Variants in SP100 observed in about 807,000 individuals in gnomAD.
SP100 encodes the protein SP100 nuclear body protein.
In SP100, 84 loss-of-function variants were observed where a neutral mutation model predicts 130.0. That is an observed-to-expected ratio of 0.65 (90% CI 0.54 to 0.77). SP100 has a LOEUF of 0.77. Ranked by LOEUF, SP100 falls within the 30% of genes least tolerant of loss-of-function variation. The probability of loss-of-function intolerance (pLI) is 0.00; values close to 1 mark genes in which losing one functional copy is unlikely to be tolerated. For synonymous variants in SP100, 331 were observed against 351.7 expected (o/e 0.94, Z 0.66); for missense variants, 978 against 1,052.2 (o/e 0.93, Z 0.97).
At chr2:230,425,167 A>T (rs947160749) in intron 2 of SP100, among the ~76,000 whole-genome samples, 1 of 152,192 alleles carries the variant, frequency 6.6e-6, no homozygotes, top group Non-Finnish European at 1.5e-5. Context: ...AATATTTAAG[A>T]TCTACTCTCT....
chr2:230,461,101 A>G (rs2064590860), intron 8 of SP100, among the ~76,000 whole-genome samples, 161 bp from the exon 9 acceptor site: 1 of 152,176 alleles, frequency 6.6e-6, no homozygotes. Context: ...CAGAGCCAAG[A>G]GAGGCACAAA....
chr2:230,514,914 C>A, intron 24 of SP100: 1 of 1,000,886 alleles, frequency 1.0e-6, no homozygotes, highest in Non-Finnish European at 1.4e-6. Flanking sequence ...GGTCAAAAAA[C>A]CTACAAGAGA....
chr2:230,505,775 T>C (rs1690041844), intron 21 of SP100, among the ~76,000 whole-genome samples: 1 of 152,178 alleles, frequency 6.6e-6, no homozygotes, highest in Admixed American at 6.5e-5. Flanking sequence ...ACTTTTAATA[T>C]AAAATAGCCA....
chr2:230,541,832 A>G, intron 27 of SP100, 60 bp from the exon 28 acceptor site: 2 of 1,560,058 alleles, frequency 1.3e-6, no homozygotes, highest in African/African-American at 1.4e-5. Context: ...CCTTTATTCC[A>G]TAATAGTGGG....
chr2:230,441,124 A>G (rs2063451657), intron 2 of SP100, among the ~76,000 whole-genome samples: 1 of 152,294 alleles, frequency 6.6e-6, no homozygotes, highest in Non-Finnish European at 1.5e-5. Context: ...CTACCCATCA[A>G]TAAGTAAAAT....
At chr2:230,473,162 G>T in intron 15 of SP100, 162 bp from the exon 16 acceptor site, 1 of 526,420 alleles carries the variant, frequency 1.9e-6, no homozygotes, top group Non-Finnish European at 3.4e-6. Flanking sequence ...ATGAACAGAA[G>T]GGAAAAATAC....
At position 230,417,653 on chromosome 2, in the gene SP100, A is replaced by G; in HGVS notation, c.95A>G (p.His32Arg). Residue 32 changes from histidine (H) to arginine (R), a missense_variant, in exon 2 of 29, where the codon CAC (histidine) becomes CGC (arginine). Transcript: ENST00000340126. ...ATGAACCATCTTCCTGCACACAGCC[A>G]CGATTTGCAAAGGTGATGAATGAAG... ...NEMNHLPAHS[H>R]DLQRMFTEDQ... is the part of the protein sequence containing the mutation. 6.2e-7 allele frequency: 1 copy of G among 1,612,766 alleles called. No homozygotes were observed. The highest frequency in any genetic ancestry group is 8.5e-7 in the Non-Finnish European group (1 of 1,179,616).
chr2:230,491,662 C>T (rs939703450), intron 17 of SP100, among the ~76,000 whole-genome samples: 4 of 152,190 alleles, frequency 2.6e-5, no homozygotes, highest in African/African-American at 9.7e-5. Flanking sequence ...CTTGTGAGAA[C>T]TGACTATCAT....
chr2:230,431,397 C>T (rs1055946419), intron 2 of SP100, among the ~76,000 whole-genome samples: 1 of 152,186 alleles, frequency 6.6e-6, no homozygotes, highest in South Asian at 2.1e-4. Context: ...GCTGTGCCAG[C>T]CTGGGGTAGG....
At chr2:230,505,714 T>C (rs1480601717) in intron 21 of SP100, among the ~76,000 whole-genome samples, 1 of 152,258 alleles carries the variant, frequency 6.6e-6, no homozygotes, top group Non-Finnish European at 1.5e-5. Flanking sequence ...CCCATGACTA[T>C]GTTGCATAAG....
chr2:230,511,039 C>A, intron 23 of SP100, 86 bp from the exon 24 acceptor site: 2 of 912,296 alleles, frequency 2.2e-6, no homozygotes, highest in East Asian at 2.4e-5. Context: ...GCATGAATCC[C>A]TTAAAAATAA....
chr2:230,484,026 T>C (rs2065952537), intron 17 of SP100, among the ~76,000 whole-genome samples: 1 of 152,208 alleles, frequency 6.6e-6, no homozygotes, highest in South Asian at 2.1e-4. Context: ...ATCTAACACA[T>C]GTACTTTCTG....
chr2:230,486,063 A>G (rs555449016), intron 17 of SP100, among the ~76,000 whole-genome samples: 1 of 8,418 alleles, frequency 1.2e-4, no homozygotes, highest in African/African-American at 6.7e-4. Flanking sequence ...AGACTGGGTA[A>G]TTTATTTTAA....
intron 2 of SP100, among the ~76,000 whole-genome samples, chr2:230,422,050 T>G (rs1447308856): frequency 6.6e-6 from 1 of 152,148 alleles, no homozygotes; most frequent in Non-Finnish European, 1.5e-5. Context: ...CTTATATGTC[T>G]TCTTTTCTTG....
At chr2:230,492,403 C>A (rs1436160748) in intron 17 of SP100, among the ~76,000 whole-genome samples, 1 of 152,102 alleles carries the variant, frequency 6.6e-6, no homozygotes, top group Non-Finnish European at 1.5e-5. Flanking sequence ...CTCCTGGGCT[C>A]CAGTGATCCT....
chr2:230,503,226 T>A, intron 20 of SP100, 116 bp downstream of exon 20: 2 of 638,274 alleles, frequency 3.1e-6, no homozygotes, highest in Non-Finnish European at 5.2e-6. Context: ...ACTGGAGCCT[T>A]AACGTTGACC....
chr2:230,500,875 G>A (rs555489584), intron 19 of SP100, among the ~76,000 whole-genome samples: 1 of 152,294 alleles, frequency 6.6e-6, no homozygotes, highest in African/African-American at 2.4e-5. Flanking sequence ...TGAGAGACAA[G>A]GAACGAGTGG....
intron 21 of SP100, among the ~76,000 whole-genome samples, chr2:230,506,015 C>T (rs1320498498): frequency 2.0e-5 from 3 of 151,872 alleles, no homozygotes; most frequent in Admixed American, 6.6e-5. Flanking sequence ...ATTCTTTGCA[C>T]CCACCCCCAC....
intron 2 of SP100, among the ~76,000 whole-genome samples, chr2:230,435,014 A>G (rs1440657428): frequency 1.3e-5 from 2 of 152,206 alleles, no homozygotes; most frequent in East Asian, 1.9e-4. Context: ...TTTTATTTCT[A>G]TACGATAGAT....
Sources: gnomAD v4.1 joint callset for allele counts (sites outside exome capture counted in the v4.1 genomes callset) on GRCh38, gnomAD v4.1.1 for gene constraint, MANE v1.5 for transcripts, NCBI Gene and HGNC (gene_info 2026-07-23, HGNC 2026-07-21) for gene names.